The following ADAM7 variants were observed in gnomAD, a reference collection of about 807,000 sequenced individuals.
The protein encoded by ADAM7 is ADAM metallopeptidase domain 7.
A neutral mutation model predicts 102.9 loss-of-function variants in ADAM7; 97 were observed. That is an observed-to-expected ratio of 0.94 (90% confidence interval 0.80 to 1.12). The LOEUF (loss-of-function observed/expected upper bound fraction) is 1.12, where lower values mean the gene tolerates loss of function less well. ADAM7 is among the 50% of genes most tolerant of loss of function. The pLI, the probability that ADAM7 is intolerant of heterozygous loss-of-function variation, is 0.00. For synonymous variants in ADAM7, 334 were observed against 304.4 expected, an observed-to-expected ratio of 1.10 and a Z score of -1.01; for missense variants, 991 against 908.7, an observed-to-expected ratio of 1.09 and a Z score of -1.16.
intron 3 of ADAM7, among the ~76,000 whole-genome samples, chr8:24,459,674 G>A (rs1308080900): frequency 6.6e-6 from 1 of 152,020 alleles, no homozygotes; most frequent in East Asian, 1.9e-4. Flanking sequence ...TGCCCAGGCT[G>A]GCCTCGAACT....
chr8:24,477,504 G>T (rs907814359), intron 8 of ADAM7, among the ~76,000 whole-genome samples: 25 of 151,334 alleles, frequency 1.7e-4, no homozygotes, highest in African/African-American at 5.8e-4. Flanking sequence ...TGCTCAAACT[G>T]TTTCAGTTTT....
At chr8:24,455,780 A>G (rs980699320) in intron 3 of ADAM7, among the ~76,000 whole-genome samples, 1 of 152,202 alleles carries the variant, frequency 6.6e-6, no homozygotes, top group African/African-American at 2.4e-5. Flanking sequence ...TTAAATGTCC[A>G]TCTACATATT....
At chr8:24,453,297 G>A (rs1428901244) in intron 3 of ADAM7, among the ~76,000 whole-genome samples, 14 of 152,102 alleles carry the variant, frequency 9.2e-5, no homozygotes, top group Non-Finnish European at 1.9e-4. Flanking sequence ...CCAATCAGAC[G>A]TAGATTTGGT....
chr8:24,452,690 A>C (rs1296782687), intron 3 of ADAM7, among the ~76,000 whole-genome samples: 1 of 151,012 alleles, frequency 6.6e-6, no homozygotes, highest in Non-Finnish European at 1.5e-5. Context: ...TGATCCTGTC[A>C]TTATGATGTT....
chr8:24,459,919 A>T (rs1003160134), intron 3 of ADAM7, among the ~76,000 whole-genome samples: 2 of 152,144 alleles, frequency 1.3e-5, no homozygotes, highest in Non-Finnish European at 2.9e-5. Flanking sequence ...AAAATATTGA[A>T]GTCATAGCAT....
Position 24,466,986 on chromosome 8 carries a change from A to G in ADAM7, c.577A>G (p.Lys193Glu), listed in dbSNP as rs1208480989. The change falls in exon 6 of 22, where the codon AAA becomes GAA. Residue 193 changes from lysine (K) to glutamate (E), a missense_variant and splice_region_variant. By Grantham distance (56) the Lys-to-Glu change is moderately conservative. Transcript: ENST00000175238. ...TGAATCTGAAGAAGACTCCAAAATA[A>G]AAGTGAGTACTTTATTATTATCTTT... The part of the protein sequence containing the change: ...DNESEEDSKI[K>E]GIHDEKYVEL... 4 of 1,611,496 alleles carry G rather than the reference A, an allele frequency of 2.5e-6. No homozygotes were observed. In the South Asian group the frequency reaches 4.4e-5, roughly 18 times the overall value.
Position 24,463,933 on chromosome 8 carries a change from A to G in ADAM7, c.285A>G (p.Glu95=). The G allele has an allele frequency of 6.2e-7, 1 of 1,613,762 alleles. No individual in the cohort carries two copies. Among genetic ancestry groups the G allele is most frequent in the Non-Finnish European group, 8.5e-7 (1 of 1,179,790 alleles). Residue 95 remains glutamate (E), a synonymous_variant, in exon 4 of 22, where the codon GAA becomes GAG. Coordinates refer to ENST00000175238, the MANE Select transcript of ADAM7 (RefSeq NM_003817.4). ...AAACATTCTACTCCATGAAAGGAGA[A>G]GCGTTCACCAGGCATCCTCAGATCA... ...YSETFYSMKG[E]AFTRHPQIMD...
intron 18 of ADAM7, 135 bp from the exon 19 acceptor site, chr8:24,500,655 A>G: frequency 2.9e-6 from 2 of 679,276 alleles, no homozygotes; most frequent in Non-Finnish European, 4.8e-6. Flanking sequence ...TTTACATAAA[A>G]ATAATTGAGA....
At chr8:24,487,940 G>C (rs1362948266) in intron 11 of ADAM7, among the ~76,000 whole-genome samples, 1 of 152,054 alleles carries the variant, frequency 6.6e-6, no homozygotes, top group Non-Finnish European at 1.5e-5. Flanking sequence ...GCCTTGTTTT[G>C]TCATCTTTTC....
chr8:24,468,840 T>C lies in ADAM7; in HGVS notation c.633+20T>C, dbSNP rs1488701211. 14 of 1,598,412 alleles carry C rather than the reference T, an allele frequency of 8.8e-6. No individual in the cohort carries two copies. Among genetic ancestry groups the C allele is most frequent in the Non-Finnish European group, 1.1e-5 (13 of 1,166,730 alleles). On this transcript the variant is annotated intron_variant, in intron 7 of 21. Coordinates refer to ENST00000175238, the MANE Select transcript of ADAM7 (RefSeq NM_003817.4). Reference sequence around the variant, plus strand: ...ACTGTGGTAAGTTTTCAATAGAACATTTCTCTCTTTATTCTTCCTTTTGGA... The same window carrying C: ...ACTGTGGTAAGTTTTCAATAGAACACTTCTCTCTTTATTCTTCCTTTTGGA...
At chr8:24,467,770 G>A (rs1044595960) in intron 6 of ADAM7, 3 of 152,180 alleles carry the variant, frequency 2.0e-5, no homozygotes, top group Non-Finnish European at 4.4e-5. Context: ...GTGTTTTATA[G>A]ACATAAAAGA....
rs1281161605 is a variant in ADAM7, at chr8:24,444,680, G to GT, written c.156+2105dup. On this transcript the variant is annotated intron_variant, in intron 2 of 21. Coordinates refer to ENST00000175238, the MANE Select transcript of ADAM7 (RefSeq NM_003817.4). ...GATACTCCCCATAAAGGTCCAGATCGTAAAAAAAAAAACACAAAAAAACGA... is the reference window on the plus strand; with the variant it reads ...GATACTCCCCATAAAGGTCCAGATCGTTAAAAAAAAAAACACAAAAAAACGA... 5.3e-5 allele frequency among the ~76,000 whole-genome samples: 8 copies of GT among 151,076 alleles called. No individual in the cohort carries two copies. In the East Asian group the frequency reaches 1.6e-3, roughly 29 times the overall value.
rs1241563570 is a variant in ADAM7 at position 24,441,172 on chromosome 8, T to C, written c.52+12T>C. On this transcript the variant is annotated intron_variant, in intron 1 of 21. Coordinates refer to ENST00000175238, the MANE Select transcript of ADAM7 (RefSeq NM_003817.4). ...TCCTCAGGTTAAAGGTATGTCTTGC[T>C]CTTTTTATCAGGACTTTCTTATTAT... 1 of 1,607,250 alleles carries C rather than the reference T, an allele frequency of 6.2e-7. No homozygotes were observed. Among genetic ancestry groups the C allele is most frequent in the Admixed American group, 1.7e-5 (1 of 60,012 alleles).
Position 24,447,279 on chromosome 8 carries a change from T to C in ADAM7, c.233+17T>C, listed in dbSNP as rs765650485. The C allele has an allele frequency of 2.2e-6, 3 of 1,377,342 alleles. No individual in the cohort carries two copies. In the East Asian group the frequency reaches 7.7e-5, roughly 35 times the overall value. 85.3% of individuals were successfully genotyped at this position (1,377,342 alleles called of 1,614,324 possible). A position where few individuals can be genotyped will look rare whatever the true frequency, so the allele number is the denominator to read the frequency against. On this transcript the variant is annotated intron_variant, in intron 3 of 21. Coordinates refer to ENST00000175238, the MANE Select transcript of ADAM7 (RefSeq NM_003817.4). ...AAGATCCAGGTAAGTTCTATTGTGATTCCAGTACCTTATAGATTTTAGTAA... is the reference window on the plus strand; with the variant it reads ...AAGATCCAGGTAAGTTCTATTGTGACTCCAGTACCTTATAGATTTTAGTAA...
In ADAM7 at chr8:24,489,222, T is replaced by C. The variant is rs777605868; in HGVS notation, c.1155T>C (p.Tyr385=). The C allele has an allele frequency of 1.4e-5, 22 of 1,613,696 alleles. No homozygotes were observed. Among genetic ancestry groups the C allele is most frequent in the South Asian group, 5.5e-5 (5 of 91,012 alleles). ...QNQYHQYLKD[Y]KPTCMLNIPF... ...AATACCACCAGTACTTGAAGGATTATAAGCCAACATGCATGCTCAACATTC... is the reference window on the plus strand; with the variant it reads ...AATACCACCAGTACTTGAAGGATTACAAGCCAACATGCATGCTCAACATTC... The change falls in exon 12 of 22, where the codon TAT becomes TAC. Residue 385 remains tyrosine, a synonymous_variant. Transcript: ENST00000175238.
chr8:24,488,400 TC>T (rs1229719566), intron 11 of ADAM7, among the ~76,000 whole-genome samples: 3 of 152,208 alleles, frequency 2.0e-5, no homozygotes, highest in Non-Finnish European at 4.4e-5. Flanking sequence ...AAGAAAAGTT[TC>T]GTGGTGATCA....
In ADAM7 at chr8:24,466,909, A is replaced by G. The variant is rs1479491038; in HGVS notation, c.500A>G (p.Asn167Ser). Reference protein sequence around the residue: ...KYNLRVPYGANYSCTELNFTR... With the variant: ...KYNLRVPYGASYSCTELNFTR... ...AACCTGAGGGTGCCGTATGGTGCCA[A>G]TTATTCCTGTACAGAGCTTAATTTT... Residue 167 changes from asparagine (N) to serine (S), a missense_variant, in exon 6 of 22, where the codon AAT (asparagine) becomes AGT (serine). Coordinates refer to ENST00000175238, the MANE Select transcript of ADAM7 (RefSeq NM_003817.4). 3.1e-6 allele frequency: 5 copies of G among 1,614,108 alleles called. No individual in the cohort carries two copies. The highest frequency in any genetic ancestry group is 3.4e-6 in the Non-Finnish European group (4 of 1,179,972).
intron 8 of ADAM7, among the ~76,000 whole-genome samples, chr8:24,478,895 C>G (rs563447539): frequency 6.6e-6 from 1 of 152,218 alleles, no homozygotes; most frequent in Admixed American, 6.5e-5. Flanking sequence ...TTTGCTAGGT[C>G]ATTAACATGC....
At chr8:24,457,123 A>G (rs2129378149) in intron 3 of ADAM7, among the ~76,000 whole-genome samples, 1 of 152,298 alleles carries the variant, frequency 6.6e-6, no homozygotes, top group African/African-American at 2.4e-5. Flanking sequence ...TTATACTGTC[A>G]CTTTAAAAAA....
Sources: gnomAD v4.1 joint callset for allele counts (sites outside exome capture counted in the v4.1 genomes callset) on GRCh38, gnomAD v4.1.1 for gene constraint, MANE v1.5 for transcripts, NCBI Gene and HGNC (gene_info 2026-07-23, HGNC 2026-07-21) for gene names.